The following SMPX variants were observed in gnomAD, a reference collection of about 807,000 sequenced individuals.
SMPX encodes the protein small muscle protein X-linked, also known as small muscular protein.
SMPX carries 2 observed loss-of-function variants against 6.3 expected under a neutral mutation model. The ratio of observed to expected loss-of-function variants is 0.32; its 90% CI spans 0.13 to 0.99. The LOEUF (loss-of-function observed/expected upper bound fraction) is 0.99. Ranked by LOEUF, SMPX falls within the 50% of genes least tolerant of loss-of-function variation. The probability of loss-of-function intolerance (pLI) is 0.49; values close to 1 mark genes in which losing one functional copy is unlikely to be tolerated. For missense variants in SMPX, 60 were observed against 66.8 expected (o/e 0.90, Z 0.36); for synonymous variants, 32 against 24.7 (o/e 1.30, Z -0.88).
chrX:21,732,437 A>T (rs1644392205), intron 4 of SMPX, among the ~76,000 whole-genome samples: 1 of 111,709 alleles, frequency 9.0e-6, no homozygotes, highest in Non-Finnish European at 1.9e-5. Flanking sequence ...TTAACTATGG[A>T]CCTTTTGAGA....
At chrX:21,725,001 T>C (rs775251559) in intron 4 of SMPX, among the ~76,000 whole-genome samples, 2 of 112,516 alleles carry the variant, frequency 1.8e-5, no homozygotes, top group Non-Finnish European at 3.8e-5. Context: ...ATAAACCTGT[T>C]TCCTCATTGC....
intron 4 of SMPX, among the ~76,000 whole-genome samples, chrX:21,722,882 G>A (rs1300355068): frequency 9.0e-6 from 1 of 111,659 alleles, no homozygotes; most frequent in Non-Finnish European, 1.9e-5. Context: ...TTAACTCACT[G>A]ACATCTCACA....
chrX:21,732,438 C>T (rs1032446608), intron 4 of SMPX, among the ~76,000 whole-genome samples: 3 of 111,570 alleles, frequency 2.7e-5, no homozygotes, highest in Non-Finnish European at 5.6e-5. Flanking sequence ...TAACTATGGA[C>T]CTTTTGAGAG....
chrX:21,736,360 T>C (rs1283463561), intron 4 of SMPX, among the ~76,000 whole-genome samples: 1 of 111,660 alleles, frequency 9.0e-6, no homozygotes, highest in Non-Finnish European at 1.9e-5. Context: ...GCAATCCATC[T>C]GTAAGGTGTG....
At chrX:21,745,361 G>T (rs966467668) in intron 2 of SMPX, among the ~76,000 whole-genome samples, 1 of 111,628 alleles carries the variant, frequency 9.0e-6, no homozygotes, top group African/African-American at 3.3e-5. Context: ...AGAAAGATTT[G>T]TCTTATATGG....
At chrX:21,752,226 A>C (rs2092828115) in intron 2 of SMPX, among the ~76,000 whole-genome samples, 1 of 111,595 alleles carries the variant, frequency 9.0e-6, no homozygotes, top group Admixed American at 9.5e-5. Context: ...AATACTAGTG[A>C]ATTTTCAGTG....
rs775799635 is a variant in SMPX at position 21,743,770 on chromosome X, A to G, written c.112T>C (p.Cys38Arg). ...CTCACCTCCTCCACTTCAGGAGTAC[A>G]TTCTTTTCTTCTGGGGGGTTGACCT... ...GAGQPPRRKE[C>R]TPEVEEGVPP... Residue 38 changes from cysteine to arginine, a missense_variant, in exon 3 of 5, where the codon TGT becomes CGT. Coordinates refer to ENST00000379494, the MANE Select transcript of SMPX (RefSeq NM_014332.3). 2.6e-5 allele frequency: 32 copies of G among 1,207,791 alleles called. No individual in the cohort carries two copies. In the East Asian group the frequency reaches 9.5e-4, roughly 36 times the overall value.
intron 4 of SMPX, among the ~76,000 whole-genome samples, chrX:21,720,034 G>T (rs969950986): frequency 8.9e-6 from 1 of 111,844 alleles, no homozygotes; most frequent in Admixed American, 9.5e-5. Flanking sequence ...AATGAAGGGG[G>T]TAGGTGGCTA....
Position 21,757,984 on chromosome X carries a change from A to C in SMPX, c.-55T>G, listed in dbSNP as rs1397012444. 1 of 329,443 alleles carries C rather than the reference A, an allele frequency of 3.0e-6. No individual in the cohort carries two copies. The highest frequency in any genetic ancestry group is 5.9e-6 in the Non-Finnish European group (1 of 170,028). 27.1% of individuals were successfully genotyped at this position (329,443 alleles called of 1,213,427 possible). ...TTACTGCCTAAGGGAAGTCCCAGGC[A>C]GCCAGATGCAAGAATACAAAGCTCC... On this transcript the variant is annotated 5_prime_UTR_variant, in exon 1 of 5. Transcript: ENST00000379494.
chrX:21,727,240 C>T (rs1176304989), intron 4 of SMPX: 4 of 112,563 alleles, frequency 3.6e-5, no homozygotes, highest in African/African-American at 1.3e-4. Flanking sequence ...TAAATTCCAA[C>T]TAGCCCATGT....
intron 4 of SMPX, among the ~76,000 whole-genome samples, chrX:21,728,214 TTCTCTCTCTCTCTCTC>T (rs61469484): frequency 0.046 from 2,214 of 48,334 alleles, 89 homozygotes; most frequent in African/African-American, 0.057. Context: ...TTCCCCTCCT[TTCTCTCTCTCTCTCTC>T]TCTCTCTCTC....
intron 4 of SMPX, among the ~76,000 whole-genome samples, chrX:21,707,663 G>C (rs1381111620): frequency 8.9e-6 from 1 of 112,447 alleles, no homozygotes; most frequent in Non-Finnish European, 1.9e-5. Flanking sequence ...AGAAATGATG[G>C]TGTACCAGTT....
intron 1 of SMPX, among the ~76,000 whole-genome samples, chrX:21,755,922 C>T (rs774355266): frequency 8.9e-6 from 1 of 112,306 alleles, no homozygotes; most frequent in East Asian, 2.8e-4. Context: ...GTCAAGGATA[C>T]ATTTTTCTCT....
At chrX:21,739,918 T>C (rs2092814308) in intron 3 of SMPX, among the ~76,000 whole-genome samples, 2 of 112,356 alleles carry the variant, frequency 1.8e-5, no homozygotes, top group African/African-American at 6.5e-5. Context: ...ACTTACATGT[T>C]TATATGCAAA....
intron 4 of SMPX, among the ~76,000 whole-genome samples, chrX:21,719,555 A>C (rs1337530913): frequency 2.7e-5 from 3 of 110,898 alleles, no homozygotes; most frequent in African/African-American, 9.9e-5. Context: ...AAAGAAAGAA[A>C]GAAAGAAAGA....
At chrX:21,715,300 GTGTGCGCGCA>G (rs1280855973) in intron 4 of SMPX, among the ~76,000 whole-genome samples, 79 of 99,010 alleles carry the variant, frequency 8.0e-4, no homozygotes, top group African/African-American at 3.3e-3. Flanking sequence ...GTGTGTGTGT[GTGTGCGCGCA>G]CGCGCGCGCG....
chrX:21,755,182 G>A (rs968090944), intron 1 of SMPX, among the ~76,000 whole-genome samples: 1 of 112,448 alleles, frequency 8.9e-6, no homozygotes, highest in Non-Finnish European at 1.9e-5. Context: ...TGTTTTTGTA[G>A]CTAGGCCTAT....
At chrX:21,747,621 C>T (rs1218738011) in intron 2 of SMPX, among the ~76,000 whole-genome samples, 1 of 111,570 alleles carries the variant, frequency 9.0e-6, no homozygotes, top group Non-Finnish European at 1.9e-5. Context: ...GGAATGACAT[C>T]TTCTTTCCCC....
chrX:21,754,012 T>C (rs2092830136), intron 2 of SMPX, among the ~76,000 whole-genome samples: 1 of 112,701 alleles, frequency 8.9e-6, no homozygotes, highest in Admixed American at 9.4e-5. Flanking sequence ...TAGAAGATAA[T>C]TTAATTCTCA....
Sources: allele counts gnomAD v4.1 joint callset (sites outside exome capture counted in the v4.1 genomes callset), GRCh38; gene constraint gnomAD v4.1.1; transcripts MANE v1.5; gene names NCBI Gene and HGNC (gene_info 2026-07-23, HGNC 2026-07-21).